KIFC3: variants seen among roughly 807,000 people sequenced by gnomAD.
KIFC3 encodes kinesin family member C3.
Under a neutral mutation model 101.8 loss-of-function variants are expected in KIFC3, and 60 were observed. That is an observed-to-expected ratio of 0.59 (90% CI 0.48 to 0.73). KIFC3 has a LOEUF of 0.73. KIFC3 is among the 30% of genes least tolerant of loss of function. The pLI is 0.00. For synonymous variants in KIFC3, 476 were observed against 482.7 expected (o/e 0.99, Z 0.18); for missense variants, 966 against 1,137.1 (o/e 0.85, Z 2.16).
At chr16:57,764,048 A>G in intron 12 of KIFC3, 95 bp downstream of exon 12, 3 of 890,670 alleles carry the variant, frequency 3.4e-6, no homozygotes, top group Non-Finnish European at 3.6e-6. Context: ...CAAATGAGGC[A>G]AAACACACAC....
intron 3 of KIFC3, among the ~76,000 whole-genome samples, chr16:57,780,558 C>T (rs1474178407): frequency 1.6e-5 from 2 of 123,838 alleles, no homozygotes; most frequent in Admixed American, 1.9e-4. Flanking sequence ...TTTTATGTTA[C>T]GTCTATTTTT....
chr16:57,823,743 C>G (rs1374202521), intron 1 of KIFC3, among the ~76,000 whole-genome samples: 1 of 143,736 alleles, frequency 7.0e-6, no homozygotes, highest in African/African-American at 2.5e-5. Flanking sequence ...CAGGTGTGCA[C>G]CACCACACCC....
intron 1 of KIFC3, among the ~76,000 whole-genome samples, chr16:57,832,583 A>G (rs2055605493): frequency 6.6e-6 from 1 of 151,840 alleles, no homozygotes; most frequent in Non-Finnish European, 1.5e-5. Context: ...CCAAAGTGCT[A>G]AGATTATAGA....
At chr16:57,770,412 G>A in intron 7 of KIFC3, 115 bp downstream of exon 7, 1 of 957,216 alleles carries the variant, frequency 1.0e-6, no homozygotes, top group East Asian at 3.1e-5. Context: ...CCATCGGGGA[G>A]AGGAGGGACT....
chr16:57,837,554 G>GAAGAAAGAAAGAAAAGAAAGAAAGAAAGA (rs1555480658), intron 1 of KIFC3, among the ~76,000 whole-genome samples: 16 of 100,016 alleles, frequency 1.6e-4, no homozygotes, highest in Admixed American at 1.3e-3. Flanking sequence ...AGGAAGGAAG[G>GAAGAAAGAAAGAAAAGAAAGAAAGAAAGA]AAGAAAGAAA....
intron 3 of KIFC3, chr16:57,782,251 GGAAGTGAA>G: frequency 1.6e-6 from 1 of 633,878 alleles, no homozygotes; most frequent in Non-Finnish European, 2.0e-6. Context: ...TTAGAGACTG[GGAAGTGAA>G]GGCTCAGAGA....
rs781876395 is a variant in KIFC3, at chr16:57,771,421, C to T, written c.542G>A (p.Arg181His). ...CAGCTGCAGCTGGGACAGCTTGTCA[C>T]GGAGCTGGGCGCTCTCCTGCAGCCA... ...CEHSQESAQLRDKLSQLQLEM... is the reference protein window; with the variant it reads ...CEHSQESAQLHDKLSQLQLEM... Residue 181 changes from arginine (R) to histidine (H), a missense_variant, in exon 6 of 20, where the codon CGT becomes CAT. By Grantham distance (29) the Arg-to-His change is conservative (BLOSUM62 0). Transcript: ENST00000445690. The T allele has an allele frequency of 1.2e-5, 20 of 1,613,490 alleles. No homozygotes were observed. Among genetic ancestry groups the T allele is most frequent in the South Asian group, 2.2e-5 (2 of 91,096 alleles).
chr16:57,845,354 A>G (rs1383160954), intron 1 of KIFC3, among the ~76,000 whole-genome samples: 1 of 152,178 alleles, frequency 6.6e-6, no homozygotes, highest in African/African-American at 2.4e-5. Context: ...CTCGCAACTC[A>G]GCGGCCTGAC....
chr16:57,775,184 G>C, intron 3 of KIFC3: 1 of 1,333,498 alleles, frequency 7.5e-7, no homozygotes, highest in South Asian at 2.0e-5. Context: ...CACCCAAAAG[G>C]AAGTGGCCGC....
In KIFC3 at chr16:57,765,261, G is replaced by A. The variant is rs182299561; in HGVS notation, c.1512+198C>T. Among the ~76,000 whole-genome samples the A allele has an allele frequency of 2.6e-4, 39 of 152,230 alleles. No homozygotes were observed. In the East Asian group the frequency reaches 7.0e-3, roughly 27 times the overall value. On this transcript the variant is annotated intron_variant, in intron 11 of 19. Coordinates refer to ENST00000445690, the MANE Select transcript of KIFC3 (RefSeq NM_001130100.2). ...CTGTGTCTGGATCTCTCCTTCCTAAGGAGGCTTTCAAGGGCTTCAGTCTTA... is the reference window on the plus strand; with the variant it reads ...CTGTGTCTGGATCTCTCCTTCCTAAAGAGGCTTTCAAGGGCTTCAGTCTTA...
At chr16:57,803,471 C>CG, upstream of KIFC3, 1 of 455,276 alleles carries the variant, frequency 2.2e-6, no homozygotes, top group Non-Finnish European at 4.4e-6. Context: ...CCCAGGAGGG[C>CG]GGGTACTCTG....
intron 3 of KIFC3, among the ~76,000 whole-genome samples, chr16:57,781,474 G>A (rs1697697927): frequency 6.6e-6 from 1 of 152,192 alleles, no homozygotes; most frequent in Non-Finnish European, 1.5e-5. Context: ...ACTGGGGAGG[G>A]TCATCCCAAC....
rs993147350 is a variant in KIFC3 at position 57,765,593 on chromosome 16, C to T, written c.1378G>A (p.Gly460Arg). 6.8e-6 allele frequency: 11 copies of T among 1,611,532 alleles called. No homozygotes were observed. Among genetic ancestry groups the T allele is most frequent in the Non-Finnish European group, 9.3e-6 (11 of 1,178,966 alleles). The change falls in exon 11 of 20, where the codon GGG (glycine) becomes AGG (arginine). Residue 460 changes from glycine to arginine, a missense_variant. By Grantham distance (125) the Gly-to-Arg change is moderately radical. Transcript: ENST00000445690. ...GCATTGGTGGCCTCAGGTCCTTCCC[C>T]ATCCTCTTTGGTGACTGGCCGGACA... ...ARVRPVTKED[G>R]EGPEATNAVT...
chr16:57,841,120 G>A (rs1332087433), intron 1 of KIFC3, among the ~76,000 whole-genome samples: 3 of 152,212 alleles, frequency 2.0e-5, no homozygotes, highest in South Asian at 2.1e-4. Context: ...AACAATAGAC[G>A]AAAATCAAAG....
Position 57,839,932 on chromosome 16 carries a change from C to T in KIFC3, c.108+22797G>A, listed in dbSNP as rs73560836. Among the ~76,000 whole-genome samples, 1,511 of 152,218 alleles carry T rather than the reference C, an allele frequency of 9.9e-3. 24 individuals carry two copies. The highest frequency in any genetic ancestry group is 0.034 in the African/African-American group (1,401 of 41,524). ...CATTTCCATTAACAACTCCACTCTC[C>T]GCTGCCTAACAGACTCCTGGAACTG... On this transcript the variant is annotated intron_variant, in intron 1 of 2. Coordinates refer to the KIFC3 transcript ENST00000563028.
intron 1 of KIFC3, among the ~76,000 whole-genome samples, chr16:57,853,134 T>A (rs558040888): frequency 6.6e-6 from 1 of 152,138 alleles, no homozygotes; most frequent in African/African-American, 2.4e-5. Context: ...ATTCAAATAA[T>A]CTGCCCGGGC....
intron 18 of KIFC3, 121 bp from the exon 19 acceptor site, chr16:57,759,274 T>TCCAGCCCCTGTTTAGCCCAG: frequency 8.3e-7 from 1 of 1,210,114 alleles, no homozygotes; most frequent in Non-Finnish European, 1.2e-6. Flanking sequence ...TGATCTGGGC[T>TCCAGCCCCTGTTTAGCCCAG]AAACAGGGGC....
intron 1 of KIFC3, among the ~76,000 whole-genome samples, chr16:57,845,817 G>A (rs411388): frequency 0.51 from 77,071 of 152,028 alleles, 20,227 homozygotes; most frequent in East Asian, 0.63. Flanking sequence ...TTTTGTGCCT[G>A]TTATTTATTC....
intron 9 of KIFC3, 29 bp from the exon 10 acceptor site, chr16:57,767,014 G>C: frequency 6.3e-7 from 1 of 1,581,174 alleles, no homozygotes; most frequent in Non-Finnish European, 8.7e-7. Flanking sequence ...CACTGTCAGG[G>C]GGACGGCTCC....
Sources: gnomAD v4.1 joint callset for allele counts (sites outside exome capture counted in the v4.1 genomes callset) on GRCh38, gnomAD v4.1.1 for gene constraint, MANE v1.5 for transcripts, NCBI Gene and HGNC (gene_info 2026-07-23, HGNC 2026-07-21) for gene names.